The following DOK6 variants were observed in gnomAD, a reference collection of about 807,000 sequenced individuals.
The protein encoded by DOK6 is downstream of tyrosine kinase 6.
DOK6 carries 22 observed loss-of-function variants against 44.0 expected under a neutral mutation model. That is an observed-to-expected ratio of 0.50 (90% confidence interval 0.36 to 0.71). The LOEUF is 0.71. DOK6 is among the 30% of genes least tolerant of loss of function. The pLI, the probability that DOK6 is intolerant of heterozygous loss-of-function variation, is 0.00. For missense variants in DOK6, 340 were observed against 416.4 expected (o/e 0.82, Z 1.60); for synonymous variants, 166 against 145.5 (o/e 1.14, Z -1.01).
Position 69,844,029 on chromosome 18 carries a change from A to G in DOK6, c.*2646A>G, listed in dbSNP as rs1260645981. ...TCTTCTACCAAAACCAAAGATGGAA[A>G]GTCACTGCACCAGTCTCCTGGAACT... On this transcript the variant is annotated 3_prime_UTR_variant, in exon 8 of 8. Coordinates refer to ENST00000382713, the MANE Select transcript of DOK6 (RefSeq NM_152721.6). 1 of 152,214 alleles carries G rather than the reference A, an allele frequency of 6.6e-6. No homozygotes were observed. The highest frequency in any genetic ancestry group is 1.5e-5 in the Non-Finnish European group (1 of 68,044). The allele number at this position is 152,214 out of a possible 1,614,324, so 9.4% of individuals were successfully genotyped here.
chr18:69,649,897 T>C (rs566750391), intron 3 of DOK6, among the ~76,000 whole-genome samples: 12 of 152,306 alleles, frequency 7.9e-5, no homozygotes, highest in South Asian at 6.2e-4. Flanking sequence ...AATAATCTTA[T>C]GCAATTGCAA....
chr18:69,700,521 C>G (rs4358037), intron 5 of DOK6, among the ~76,000 whole-genome samples: 117,163 of 152,000 alleles, frequency 0.77, 45,464 homozygotes, highest in East Asian at 0.98. Flanking sequence ...CTTTCTATTT[C>G]ATAGAGGAAT....
rs1979977711 is a variant in DOK6, at chr18:69,774,131, G to GAGATATATATATATAT, written c.856+16260_856+16275dup. Among the ~76,000 whole-genome samples, 4 of 13,860 alleles carry GAGATATATATATATAT rather than the reference G, an allele frequency of 2.9e-4. 1 individual carries two copies. Among genetic ancestry groups the GAGATATATATATATAT allele is most frequent in the Non-Finnish European group, 1.6e-3 (4 of 2,544 alleles). 9.1% of individuals were successfully genotyped at this position (13,860 alleles called of 152,430 possible). A position where few individuals can be genotyped will look rare whatever the true frequency, so the allele number is the denominator to read the frequency against. ...GATAGATTTATATAGATATATATAT[G>GAGATATATATATATAT]AGATATATATATATATATATATATA... On this transcript the variant is annotated intron_variant, in intron 7 of 7. Coordinates refer to ENST00000382713, the MANE Select transcript of DOK6 (RefSeq NM_152721.6).
At chr18:69,435,069 AGGAAGGAAGGAAGGAAGGAAGGAAAG>A (rs1978935682) in intron 1 of DOK6, among the ~76,000 whole-genome samples, 1 of 150,588 alleles carries the variant, frequency 6.6e-6, no homozygotes, top group Non-Finnish European at 1.5e-5. Context: ...GAAGGAAGGA[AGGAAGGAAGGAAGGAAGGAAGGAAAG>A]AAGGAAGAAA....
intron 1 of DOK6, among the ~76,000 whole-genome samples, chr18:69,401,730 G>T (rs562327087): frequency 6.6e-6 from 1 of 152,102 alleles, no homozygotes; most frequent in Non-Finnish European, 1.5e-5. Flanking sequence ...CCATTTTCTG[G>T]TCTCCGCTTC....
intron 2 of DOK6, among the ~76,000 whole-genome samples, chr18:69,597,739 G>A (rs1983777811): frequency 7.0e-6 from 1 of 142,074 alleles, no homozygotes. Context: ...TGCACATCTG[G>A]AGACTCAAAC....
intron 3 of DOK6, among the ~76,000 whole-genome samples, chr18:69,628,886 T>C (rs570129041): frequency 6.6e-6 from 1 of 152,208 alleles, no homozygotes; most frequent in African/African-American, 2.4e-5. Context: ...CATTTAAGAG[T>C]TAACTGAAGG....
chr18:69,674,203 G>T (rs1000332626), intron 3 of DOK6, among the ~76,000 whole-genome samples: 5 of 152,184 alleles, frequency 3.3e-5, no homozygotes, highest in African/African-American at 1.2e-4. Flanking sequence ...TATTTGAAAG[G>T]TGGTGACTGT....
chr18:69,785,984 G>C (rs1980416275), intron 7 of DOK6, among the ~76,000 whole-genome samples: 1 of 152,082 alleles, frequency 6.6e-6, no homozygotes, highest in Non-Finnish European at 1.5e-5. Context: ...ATATCTTCAG[G>C]ATTATAGAAT....
At chr18:69,668,529 CAT>C (rs1303044831) in intron 3 of DOK6, among the ~76,000 whole-genome samples, 1 of 152,162 alleles carries the variant, frequency 6.6e-6, no homozygotes, top group African/African-American at 2.4e-5. Flanking sequence ...GGAGTGTACT[CAT>C]AGTTTTCTTC....
At chr18:69,418,265 G>C (rs548153583) in intron 1 of DOK6, among the ~76,000 whole-genome samples, 1 of 152,072 alleles carries the variant, frequency 6.6e-6, no homozygotes, top group African/African-American at 2.4e-5. Context: ...TCATTCTTCT[G>C]TCTATGGTCT....
intron 1 of DOK6, among the ~76,000 whole-genome samples, chr18:69,502,910 G>A (rs1043312859): frequency 6.6e-6 from 1 of 152,048 alleles, no homozygotes. Context: ...TGTAGTGTGC[G>A]CTCTTATAGA....
chr18:69,629,753 T>A (rs934857766), intron 3 of DOK6, among the ~76,000 whole-genome samples: 5 of 152,098 alleles, frequency 3.3e-5, no homozygotes, highest in African/African-American at 1.2e-4. Flanking sequence ...ACACAAACCC[T>A]CCTTCAGCCC....
At chr18:69,439,007 G>A (rs1336793167) in intron 1 of DOK6, among the ~76,000 whole-genome samples, 1 of 152,132 alleles carries the variant, frequency 6.6e-6, no homozygotes, top group Admixed American at 6.5e-5. Flanking sequence ...GGGAGATGGA[G>A]GCTGCATTGA....
chr18:69,753,328 C>T (rs1353354465), intron 6 of DOK6, among the ~76,000 whole-genome samples: 1 of 152,134 alleles, frequency 6.6e-6, no homozygotes, highest in Non-Finnish European at 1.5e-5. Context: ...GGTCTATTCT[C>T]ATCAACTTGA....
intron 2 of DOK6, among the ~76,000 whole-genome samples, chr18:69,577,732 G>A (rs1018135572): frequency 6.6e-6 from 1 of 152,140 alleles, no homozygotes; most frequent in Admixed American, 6.5e-5. Flanking sequence ...AGAGATTAGC[G>A]AGAGGCACTA....
chr18:69,708,546 G>A (rs1986686837), intron 5 of DOK6, among the ~76,000 whole-genome samples: 1 of 152,164 alleles, frequency 6.6e-6, no homozygotes, highest in Admixed American at 6.5e-5. Context: ...CAGCTCTTTG[G>A]GAGGCCGAGG....
At chr18:69,746,415 G>A (rs543231922) in intron 6 of DOK6, among the ~76,000 whole-genome samples, 10 of 152,146 alleles carry the variant, frequency 6.6e-5, no homozygotes, top group South Asian at 2.1e-4. Flanking sequence ...ATGCCGTCAC[G>A]CCTGGCTAAT....
At chr18:69,469,216 T>A (rs1980015257) in intron 1 of DOK6, among the ~76,000 whole-genome samples, 1 of 152,188 alleles carries the variant, frequency 6.6e-6, no homozygotes, top group South Asian at 2.1e-4. Flanking sequence ...TTTTTAAATA[T>A]TTAGTGTGTG....
Sources: gnomAD v4.1 joint callset for allele counts (sites outside exome capture counted in the v4.1 genomes callset) on GRCh38, gnomAD v4.1.1 for gene constraint, MANE v1.5 for transcripts, NCBI Gene and HGNC (gene_info 2026-07-23, HGNC 2026-07-21) for gene names.